COL8A1: variants seen among roughly 807,000 people sequenced by gnomAD.
The protein encoded by COL8A1 is collagen alpha-1(VIII) chain.
Under a neutral mutation model 42.7 loss-of-function variants are expected in COL8A1, and 21 were observed. The ratio of observed to expected loss-of-function variants is 0.49; its 90% CI spans 0.35 to 0.71. The LOEUF (loss-of-function observed/expected upper bound fraction) is 0.71. COL8A1 is among the 30% of genes least tolerant of loss of function. COL8A1 has a pLI of 0.01. For missense variants in COL8A1, 788 were observed against 962.4 expected (o/e 0.82, Z 2.40); for synonymous variants, 367 against 369.1 (o/e 0.99, Z 0.06).
chr3:99,786,292 C>A (rs943917818), intron 2 of COL8A1, among the ~76,000 whole-genome samples: 18 of 152,114 alleles, frequency 1.2e-4, no homozygotes, highest in South Asian at 4.2e-4. Flanking sequence ...TATGACACCC[C>A]CCTCCGAAAG....
intron 1 of COL8A1, among the ~76,000 whole-genome samples, chr3:99,658,377 G>A (rs946062071): frequency 3.1e-4 from 47 of 152,008 alleles, no homozygotes; most frequent in African/African-American, 1.0e-3. Context: ...CCTTCTCATC[G>A]CCTCTTAACT....
intron 2 of COL8A1, among the ~76,000 whole-genome samples, chr3:99,773,609 A>G (rs1559632586): frequency 6.6e-6 from 1 of 151,436 alleles, no homozygotes; most frequent in Non-Finnish European, 1.5e-5. Flanking sequence ...ATTACATTTT[A>G]TGTGTTTAAT....
intron 2 of COL8A1, among the ~76,000 whole-genome samples, chr3:99,759,320 A>C (rs1167194992): frequency 6.6e-6 from 1 of 152,128 alleles, no homozygotes; most frequent in African/African-American, 2.4e-5. Context: ...ATGAAAAGCA[A>C]AGGAGTTGTA....
In COL8A1 at chr3:99,674,525, C is replaced by T. The variant is rs989728451; in HGVS notation, c.-129+35861C>T. On this transcript the variant is annotated intron_variant, in intron 1 of 3. Coordinates refer to ENST00000652472, the MANE Select transcript of COL8A1 (RefSeq NM_020351.4). The stretch of plus-strand genomic sequence containing the variant: ...ACTGGCTCACACATGAAAAGTCTTC[C>T]AGCCCCAGATCATGACTTGACTCTC... Among the ~76,000 whole-genome samples, 4 of 151,824 alleles carry T rather than the reference C, an allele frequency of 2.6e-5. No homozygotes were observed. In the South Asian group the frequency reaches 8.3e-4, roughly 31 times the overall value.
intron 1 of COL8A1, among the ~76,000 whole-genome samples, chr3:99,682,718 C>T (rs527448212): frequency 6.6e-6 from 1 of 151,988 alleles, no homozygotes; most frequent in South Asian, 2.1e-4. Flanking sequence ...CTCCGTTAAG[C>T]TCTCCAATGC....
At chr3:99,687,040 C>T (rs1407340024) in intron 1 of COL8A1, among the ~76,000 whole-genome samples, 1 of 151,976 alleles carries the variant, frequency 6.6e-6, no homozygotes, top group Non-Finnish European at 1.5e-5. Flanking sequence ...TAGGGAGTTT[C>T]GCTATGTTGC....
chr3:99,711,105 G>C (rs1169041884), intron 1 of COL8A1, among the ~76,000 whole-genome samples: 1 of 116,020 alleles, frequency 8.6e-6, no homozygotes, highest in African/African-American at 3.8e-5. Flanking sequence ...ACAATTCCAA[G>C]ACTATTTTCT....
chr3:99,675,383 G>C (rs1463211578), intron 1 of COL8A1, among the ~76,000 whole-genome samples: 1 of 151,994 alleles, frequency 6.6e-6, no homozygotes, highest in African/African-American at 2.4e-5. Flanking sequence ...GAGGCATAAA[G>C]CACTTTATAC....
rs144636435 is a variant in COL8A1, at chr3:99,795,305, T to C, written c.1404T>C (p.Gly468=). Residue 468 remains glycine (G), a synonymous_variant, in exon 4 of 4, where the codon GGT becomes GGC. Transcript: ENST00000652472. ...CCAAGGGGGAAGCTGGGCAAAAAGGTGTACCAGGACTCCCTGGTGTTCCAG... is the reference window on the plus strand; with the variant it reads ...CCAAGGGGGAAGCTGGGCAAAAAGGCGTACCAGGACTCCCTGGTGTTCCAG... The part of the protein sequence containing the change: ...IGPKGEAGQK[G]VPGLPGVPGL... 3 of 1,609,426 alleles carry C rather than the reference T, an allele frequency of 1.9e-6. No homozygotes were observed. Among genetic ancestry groups the C allele is most frequent in the Middle Eastern group, 1.6e-4 (1 of 6,072 alleles).
chr3:99,659,188 C>T (rs539951297), intron 1 of COL8A1, among the ~76,000 whole-genome samples: 97 of 152,342 alleles, frequency 6.4e-4, no homozygotes, highest in African/African-American at 2.3e-3. Flanking sequence ...GATAAGGCCA[C>T]GTTCACCCTG....
At chr3:99,784,578 G>C (rs976109978) in intron 2 of COL8A1, among the ~76,000 whole-genome samples, 2 of 152,158 alleles carry the variant, frequency 1.3e-5, no homozygotes, top group African/African-American at 4.8e-5. Context: ...ACTGTACTGA[G>C]TGCTGTAGGC....
At chr3:99,713,803 A>C (rs1166337793) in intron 1 of COL8A1, among the ~76,000 whole-genome samples, 1 of 152,146 alleles carries the variant, frequency 6.6e-6, no homozygotes, top group African/African-American at 2.4e-5. Context: ...AAATACAATT[A>C]AAACAAATTT....
intron 1 of COL8A1, among the ~76,000 whole-genome samples, chr3:99,643,618 T>C (rs1937567296): frequency 6.6e-6 from 1 of 152,218 alleles, no homozygotes; most frequent in Non-Finnish European, 1.5e-5. Context: ...GTCTCAAATG[T>C]ATTGAGTTTA....
intron 2 of COL8A1, among the ~76,000 whole-genome samples, chr3:99,772,241 C>G (rs148665158): frequency 2.6e-5 from 4 of 152,138 alleles, no homozygotes; most frequent in Admixed American, 2.0e-4. Context: ...AAGCTACATA[C>G]TGTATAATTC....
intron 1 of COL8A1, among the ~76,000 whole-genome samples, chr3:99,696,701 G>C (rs1009152224): frequency 6.6e-6 from 1 of 152,154 alleles, no homozygotes; most frequent in East Asian, 1.9e-4. Context: ...CCGGGGTTAC[G>C]CAATTAATGC....
chr3:99,793,808 G>C (rs993872844), intron 3 of COL8A1, among the ~76,000 whole-genome samples: 23 of 152,226 alleles, frequency 1.5e-4, no homozygotes, highest in Admixed American at 2.0e-4. Context: ...CTGGAGTGCA[G>C]TGGTGTGATC....
chr3:99,765,288 G>C (rs1426261092), intron 2 of COL8A1, among the ~76,000 whole-genome samples: 1 of 152,056 alleles, frequency 6.6e-6, no homozygotes, highest in African/African-American at 2.4e-5. Context: ...CTCCAGTCTG[G>C]TAAACTGCTC....
chr3:99,743,155 T>C (rs1181446264), intron 1 of COL8A1, among the ~76,000 whole-genome samples: 1 of 152,226 alleles, frequency 6.6e-6, no homozygotes, highest in African/African-American at 2.4e-5. Flanking sequence ...GTTGTATATC[T>C]CCTTTCATAT....
intron 2 of COL8A1, among the ~76,000 whole-genome samples, chr3:99,776,147 C>T (rs545085772): frequency 6.6e-6 from 1 of 152,244 alleles, no homozygotes; most frequent in South Asian, 2.1e-4. Flanking sequence ...CCCACTGTGG[C>T]CTCTGAAGGA....
Sources: gnomAD v4.1 joint callset for allele counts (sites outside exome capture counted in the v4.1 genomes callset) on GRCh38, gnomAD v4.1.1 for gene constraint, MANE v1.5 for transcripts, NCBI Gene and HGNC (gene_info 2026-07-23, HGNC 2026-07-21) for gene names.